Variants in MBNL2 observed in about 807,000 individuals in gnomAD.
MBNL2 encodes the protein muscleblind-like protein 2.
In MBNL2, 17 loss-of-function variants were observed where a neutral mutation model predicts 41.9. The ratio of observed to expected loss-of-function variants is 0.41; its 90% CI spans 0.28 to 0.61. MBNL2 has a LOEUF of 0.61. Among genes scored for constraint, MBNL2 ranks in the 20% least tolerant of loss-of-function variants. The pLI is 0.35. For synonymous variants in MBNL2, 195 were observed against 182.9 expected (o/e 1.07, Z -0.53); for missense variants, 336 against 505.6 (o/e 0.66, Z 3.22).
Position 97,276,289 on chromosome 13 carries a change from C to G in MBNL2, c.54C>G (p.Val18=). The G allele has an allele frequency of 6.2e-7, 1 of 1,613,996 alleles. No individual in the cohort carries two copies. Among genetic ancestry groups the G allele is most frequent in the Non-Finnish European group, 8.5e-7 (1 of 1,179,874 alleles). Residue 18 remains valine, a synonymous_variant, in exon 2 of 9, where the codon GTC becomes GTG. Coordinates refer to ENST00000679496, the MANE Select transcript of MBNL2 (RefSeq NM_001382683.1). ...VRDTKWLTLE[V]CRQFQRGTCS... is the part of the protein sequence containing the mutation. Reference sequence around the variant, plus strand: ...ATACAAAATGGCTGACATTAGAAGTCTGCAGACAGTTTCAAAGAGGAACAT... The same window carrying G: ...ATACAAAATGGCTGACATTAGAAGTGTGCAGACAGTTTCAAAGAGGAACAT...
At chr13:97,163,626 C>A in the MBNL2 span, among the ~76,000 whole-genome samples, 1 of 152,132 alleles carries the variant, frequency 6.6e-6, no homozygotes, top group Non-Finnish European at 1.5e-5. Context: ...ACCTGAATAC[C>A]CACTGGGTGA....
the MBNL2 span, among the ~76,000 whole-genome samples, chr13:97,195,615 T>C: frequency 2.7e-4 from 41 of 152,230 alleles, no homozygotes; most frequent in African/African-American, 9.9e-4. Flanking sequence ...AAATTCAATA[T>C]GGCATATAGG....
upstream of MBNL2, among the ~76,000 whole-genome samples, chr13:97,216,959 AATATAAAATGT>A (rs1266403564): frequency 6.7e-6 from 1 of 149,038 alleles, no homozygotes; most frequent in East Asian, 1.9e-4. Context: ...TTATATACAT[AATATAAAATGT>A]ATACATAATA....
upstream of MBNL2, among the ~76,000 whole-genome samples, chr13:97,219,771 C>T (rs942556296): frequency 2.6e-5 from 4 of 152,152 alleles, no homozygotes; most frequent in Non-Finnish European, 5.9e-5. Context: ...AGGTTTTACA[C>T]AAAGGAGTGT....
rs1300884876 is a variant in MBNL2 at position 97,392,150 on chromosome 13, G to A, written c.*701G>A. 1.3e-5 allele frequency: 2 copies of A among 152,600 alleles called. No homozygotes were observed. Among genetic ancestry groups the A allele is most frequent in the Non-Finnish European group, 2.9e-5 (2 of 68,016 alleles). 9.5% of individuals were successfully genotyped at this position (152,600 alleles called of 1,614,324 possible). On this transcript the variant is annotated 3_prime_UTR_variant, in exon 9 of 9. Transcript: ENST00000679496. ...GACTTTGTAGAAGTGCCTAGATTTT[G>A]CCAGACTTCATCCAGCTTGACAAGA... is the stretch of plus-strand genomic sequence containing the variant.
intron 5 of MBNL2, among the ~76,000 whole-genome samples, chr13:97,354,766 C>T (rs1259403652): frequency 6.6e-6 from 1 of 152,188 alleles, no homozygotes; most frequent in Non-Finnish European, 1.5e-5. Context: ...CCTTTAGAGA[C>T]ATAATCGCTC....
chr13:97,195,698 T>C, the MBNL2 span, among the ~76,000 whole-genome samples: 1 of 152,364 alleles, frequency 6.6e-6, no homozygotes, highest in South Asian at 2.1e-4. Context: ...TGGTATCAGA[T>C]AATTAGATGT....
chr13:97,208,528 A>G, the MBNL2 span, among the ~76,000 whole-genome samples: 5,805 of 152,278 alleles, frequency 0.038, 195 homozygotes, highest in South Asian at 0.14. Context: ...TCTCTAATCA[A>G]TCTCCCGGGG....
At chr13:97,269,859 A>G (rs1396115056) in intron 1 of MBNL2, among the ~76,000 whole-genome samples, 1 of 152,234 alleles carries the variant, frequency 6.6e-6, no homozygotes, top group East Asian at 1.9e-4. Flanking sequence ...CACCAGGTCT[A>G]ATCCTGGTCA....
At chr13:97,191,761 G>A in the MBNL2 span, among the ~76,000 whole-genome samples, 1 of 152,190 alleles carries the variant, frequency 6.6e-6, no homozygotes, top group Non-Finnish European at 1.5e-5. Flanking sequence ...TTTCAGAACA[G>A]CTCAGAGAGA....
At chr13:97,243,373 C>T (rs1349286537) in intron 1 of MBNL2, among the ~76,000 whole-genome samples, 1 of 152,094 alleles carries the variant, frequency 6.6e-6, no homozygotes, top group East Asian at 1.9e-4. Context: ...GATGCATTAG[C>T]CTGGCTGCTA....
intron 7 of MBNL2, among the ~76,000 whole-genome samples, chr13:97,364,420 T>G: frequency 6.6e-6 from 1 of 152,198 alleles, no homozygotes; most frequent in Non-Finnish European, 1.5e-5. Flanking sequence ...TTTATCATAA[T>G]GAATCTTACA....
At chr13:97,144,413 CATG>C in the MBNL2 span, among the ~76,000 whole-genome samples, 32 of 128,804 alleles carry the variant, frequency 2.5e-4, no homozygotes, top group African/African-American at 9.4e-4. Flanking sequence ...TGCCTCTAGA[CATG>C]ATACTTCTTT....
the MBNL2 span, among the ~76,000 whole-genome samples, chr13:97,193,778 C>G: frequency 6.6e-6 from 1 of 152,106 alleles, no homozygotes. Flanking sequence ...AAGCGGGTAG[C>G]CAGAGTCAGG....
At chr13:97,187,112 A>G in the MBNL2 span, among the ~76,000 whole-genome samples, 1 of 152,362 alleles carries the variant, frequency 6.6e-6, no homozygotes, top group South Asian at 2.1e-4. Flanking sequence ...CTTTACTAAC[A>G]GATGAGTACT....
rs1486395322 is a variant in MBNL2, at chr13:97,393,567, G to C, written c.*2118G>C. 2 of 152,384 alleles carry C rather than the reference G, an allele frequency of 1.3e-5. No homozygotes were observed. Among genetic ancestry groups the C allele is most frequent in the Non-Finnish European group, 2.9e-5 (2 of 67,932 alleles). The allele number at this position is 152,384 out of a possible 1,614,324, so 9.4% of individuals were successfully genotyped here. A position where few individuals can be genotyped will look rare whatever the true frequency, so the allele number is the denominator to read the frequency against. On this transcript the variant is annotated 3_prime_UTR_variant, in exon 9 of 9. Coordinates refer to ENST00000679496, the MANE Select transcript of MBNL2 (RefSeq NM_001382683.1). ...GAATTGTGATTACAATATGCAAAGA[G>C]TCATAAATATGCCATTTACAATAAG... is the stretch of plus-strand genomic sequence containing the variant.
chr13:97,178,751 G>A, the MBNL2 span, among the ~76,000 whole-genome samples: 2 of 152,174 alleles, frequency 1.3e-5, no homozygotes, highest in Non-Finnish European at 2.9e-5. Flanking sequence ...ACAAAAATTA[G>A]CCAGGTATGG....
rs768725485 is a variant in MBNL2, at chr13:97,366,636, AT to A, written c.1048+1474del. ...TTTAAAAAAAAAATTCTCGGTGAGA[AT>A]TTTTTTTTCATGTTTATCCATCAAA... On this transcript the variant is annotated intron_variant, in intron 8 of 8. Coordinates refer to ENST00000679496, the MANE Select transcript of MBNL2 (RefSeq NM_001382683.1). The surrounding 1 kb of genome is among the most constrained non-coding windows in gnomAD (Gnocchi z 4.7). 91 of 868,082 alleles carry A rather than the reference AT, an allele frequency of 1.0e-4. No homozygotes were observed. The highest frequency in any genetic ancestry group is 2.2e-4 in the Middle Eastern group (1 of 4,462). The allele number at this position is 868,082 out of a possible 1,614,324, so 53.8% of individuals were successfully genotyped here. A position where few individuals can be genotyped will look rare whatever the true frequency, so the allele number is the denominator to read the frequency against.
the MBNL2 span, among the ~76,000 whole-genome samples, chr13:97,166,711 G>T: frequency 3.3e-5 from 5 of 151,960 alleles, no homozygotes; most frequent in African/African-American, 1.2e-4. Context: ...GGCTCTCCTT[G>T]CTCCTCAGCT....
Sources: gnomAD v4.1 joint callset for allele counts (sites outside exome capture counted in the v4.1 genomes callset) on GRCh38, gnomAD v4.1.1 for gene constraint, Gnocchi (gnomAD v3.1) non-coding constraint, MANE v1.5 for transcripts, NCBI Gene and HGNC (gene_info 2026-07-23, HGNC 2026-07-21) for gene names.